Variants in GRIK2 observed in about 807,000 individuals in gnomAD.
GRIK2 encodes the protein glutamate ionotropic receptor kainate type subunit 2, also known as glutamate receptor ionotropic, kainate 2.
In GRIK2, 32 loss-of-function variants were observed where a neutral mutation model predicts 100.3. The observed-to-expected ratio is 0.32, with a 90% CI of 0.24 to 0.43. The LOEUF (loss-of-function observed/expected upper bound fraction) is 0.43. Ranked by LOEUF, GRIK2 falls within the 20% of genes least tolerant of loss-of-function variation. The probability of loss-of-function intolerance (pLI) is 1.00; values close to 1 mark genes in which losing one functional copy is unlikely to be tolerated. For missense variants in GRIK2, 843 were observed against 1,114.9 expected (o/e 0.76, Z 3.47); for synonymous variants, 417 against 389.4 (o/e 1.07, Z -0.83).
intron 14 of GRIK2, among the ~76,000 whole-genome samples, chr6:102,018,614 C>T (rs1298457264): frequency 1.3e-5 from 2 of 152,074 alleles, no homozygotes; most frequent in African/African-American, 4.8e-5. Flanking sequence ...GGTTTCTACT[C>T]ATGGATATCT....
intron 2 of GRIK2, among the ~76,000 whole-genome samples, chr6:101,598,942 G>A (rs1000765291): frequency 1.3e-5 from 2 of 151,510 alleles, no homozygotes; most frequent in African/African-American, 4.8e-5. Flanking sequence ...AGATTCATGA[G>A]TGTATGTGGA....
At chr6:101,878,995 T>TG (rs1582441674) in intron 11 of GRIK2, among the ~76,000 whole-genome samples, 4 of 152,186 alleles carry the variant, frequency 2.6e-5, no homozygotes, top group African/African-American at 9.6e-5. Flanking sequence ...CTGAAGGCTC[T>TG]GTTCCATATT....
chr6:101,811,385 C>CAA (rs1160193631), intron 9 of GRIK2, among the ~76,000 whole-genome samples: 2 of 151,964 alleles, frequency 1.3e-5, no homozygotes, highest in African/African-American at 4.8e-5. Context: ...TAATGGAAAA[C>CAA]TATATTGCTT....
At chr6:101,563,554 C>T (rs1777122895) in intron 2 of GRIK2, among the ~76,000 whole-genome samples, 1 of 152,066 alleles carries the variant, frequency 6.6e-6, no homozygotes, top group Admixed American at 6.6e-5. Context: ...AATGCTTTTA[C>T]CCCTTTATCC....
At chr6:101,711,160 A>T (rs1415626315) in intron 7 of GRIK2, among the ~76,000 whole-genome samples, 1 of 151,802 alleles carries the variant, frequency 6.6e-6, no homozygotes, top group Non-Finnish European at 1.5e-5. Context: ...TGTTTTTTAC[A>T]TTGGTAACTT....
At chr6:102,067,988 G>A (rs901376522) in intron 16 of GRIK2, among the ~76,000 whole-genome samples, 1 of 151,742 alleles carries the variant, frequency 6.6e-6, no homozygotes, top group African/African-American at 2.4e-5. Context: ...TGGGTTTCTG[G>A]TATAGAATTG....
chr6:101,831,346 G>A (rs1224554833), intron 10 of GRIK2, among the ~76,000 whole-genome samples: 2 of 152,008 alleles, frequency 1.3e-5, no homozygotes, highest in Non-Finnish European at 2.9e-5. Context: ...AAAACATTGA[G>A]TTGTACTGAT....
chr6:101,491,752 C>T (rs1005944046), intron 2 of GRIK2, among the ~76,000 whole-genome samples: 1 of 151,794 alleles, frequency 6.6e-6, no homozygotes, highest in Non-Finnish European at 1.5e-5. Flanking sequence ...TCACAACTAC[C>T]ATAATTAATA....
intron 2 of GRIK2, among the ~76,000 whole-genome samples, chr6:101,513,390 A>G (rs1774418980): frequency 1.3e-5 from 2 of 152,172 alleles, no homozygotes; most frequent in South Asian, 2.1e-4. Flanking sequence ...CTTAGAGACA[A>G]TAGGATGACA....
intron 15 of GRIK2, 107 bp from the exon 16 acceptor site, chr6:102,055,223 C>A: frequency 1.4e-6 from 1 of 736,762 alleles, no homozygotes; most frequent in Non-Finnish European, 2.2e-6. Flanking sequence ...AACATTGGCA[C>A]ACTTTGAAGC....
intron 10 of GRIK2, among the ~76,000 whole-genome samples, chr6:101,833,271 G>T (rs943237731): frequency 3.3e-5 from 5 of 151,814 alleles, no homozygotes; most frequent in African/African-American, 9.7e-5. Flanking sequence ...TTGCTCTGTC[G>T]CCCAGGCTGG....
chr6:101,447,670 C>G (rs544364280), intron 2 of GRIK2, among the ~76,000 whole-genome samples: 1 of 151,630 alleles, frequency 6.6e-6, no homozygotes, highest in Non-Finnish European at 1.5e-5. Context: ...ATATCTCTCA[C>G]AGATTGATTT....
chr6:101,800,896 A>G (rs973188047), intron 8 of GRIK2, among the ~76,000 whole-genome samples: 6 of 151,964 alleles, frequency 3.9e-5, no homozygotes, highest in Admixed American at 1.3e-4. Flanking sequence ...GACATTCCCC[A>G]TTGTATTTAT....
At chr6:101,827,784 A>T (rs1228110290) in intron 10 of GRIK2, among the ~76,000 whole-genome samples, 2 of 151,902 alleles carry the variant, frequency 1.3e-5, no homozygotes, top group African/African-American at 2.4e-5. Context: ...CGTTCATAAA[A>T]CCTTACTTCT....
chr6:101,580,199 C>T lies in GRIK2; in HGVS notation c.116-41750C>T, dbSNP rs527561949. On this transcript the variant is annotated intron_variant, in intron 2 of 16. Coordinates refer to ENST00000369134, the MANE Select transcript of GRIK2 (RefSeq NM_021956.5). ...TTCTTACAGCCAACTTTCTCTATGA[C>T]ATCTCAAACTGAACTCTTTATTTTA... is the stretch of plus-strand genomic sequence containing the variant. Among the ~76,000 whole-genome samples, 9 of 152,288 alleles carry T rather than the reference C, an allele frequency of 5.9e-5. No individual in the cohort carries two copies. In the South Asian group the frequency reaches 1.9e-3, roughly 32 times the overall value.
intron 12 of GRIK2, among the ~76,000 whole-genome samples, chr6:101,910,569 T>A (rs2791767): frequency 0.85 from 128,135 of 151,020 alleles, 54,480 homozygotes; most frequent in East Asian, 0.94. Flanking sequence ...TACATAGTAC[T>A]TATTTATAAG....
At chr6:101,439,930 A>T (rs963344197) in intron 2 of GRIK2, among the ~76,000 whole-genome samples, 6 of 152,096 alleles carry the variant, frequency 3.9e-5, no homozygotes, top group Non-Finnish European at 8.8e-5. Flanking sequence ...TCCTGAGAAA[A>T]TATTCATTTG....
At chr6:101,857,392 T>A (rs1323189144) in intron 10 of GRIK2, among the ~76,000 whole-genome samples, 1 of 152,192 alleles carries the variant, frequency 6.6e-6, no homozygotes, top group Non-Finnish European at 1.5e-5. Flanking sequence ...GAGGTGAGGC[T>A]GCAGGGTGCA....
intron 14 of GRIK2, among the ~76,000 whole-genome samples, chr6:102,014,728 A>G (rs544364836): frequency 1.3e-5 from 2 of 152,164 alleles, no homozygotes; most frequent in Admixed American, 6.5e-5. Flanking sequence ...TTTCATTTCC[A>G]TCTAATTGTA....
Sources: allele counts gnomAD v4.1 joint callset (sites outside exome capture counted in the v4.1 genomes callset), GRCh38; gene constraint gnomAD v4.1.1; transcripts MANE v1.5; gene names NCBI Gene and HGNC (gene_info 2026-07-23, HGNC 2026-07-21).